SHANK2: variants seen among roughly 807,000 people sequenced by gnomAD.
SHANK2 encodes SH3 and multiple ankyrin repeat domains 2, also known as SH3 and multiple ankyrin repeat domains protein 2.
In SHANK2, 43 loss-of-function variants were observed where a neutral mutation model predicts 133.7. The observed-to-expected ratio is 0.32, with a 90% CI of 0.25 to 0.41. SHANK2 has a LOEUF of 0.41. SHANK2 is among the 10% of genes least tolerant of loss of function. The pLI, the probability that SHANK2 is intolerant of heterozygous loss-of-function variation, is 1.00. For synonymous variants in SHANK2, 1,017 were observed against 952.8 expected, an observed-to-expected ratio of 1.07 and a Z score of -1.24; for missense variants, 1,994 against 2,235.8, an observed-to-expected ratio of 0.89 and a Z score of 2.18.
intron 21 of SHANK2, among the ~76,000 whole-genome samples, chr11:70,492,670 G>A (rs2058907532): frequency 6.6e-6 from 1 of 152,156 alleles, no homozygotes; most frequent in Non-Finnish European, 1.5e-5. Context: ...GCCCTCGGAG[G>A]CATGCACGAG....
intron 14 of SHANK2, among the ~76,000 whole-genome samples, chr11:70,721,754 C>T (rs934702126): frequency 1.3e-5 from 2 of 152,232 alleles, no homozygotes; most frequent in African/African-American, 4.8e-5. Flanking sequence ...CCCACCCAAC[C>T]CTAGACAGGT....
intron 17 of SHANK2, among the ~76,000 whole-genome samples, chr11:70,632,947 A>C (rs1309439904): frequency 6.6e-6 from 1 of 151,934 alleles, no homozygotes; most frequent in Non-Finnish European, 1.5e-5. Context: ...AGCCCCTTGC[A>C]TGGAGCGTTG....
At chr11:70,810,662 A>C (rs1450333272) in intron 12 of SHANK2, among the ~76,000 whole-genome samples, 1 of 152,200 alleles carries the variant, frequency 6.6e-6, no homozygotes, top group African/African-American at 2.4e-5. Context: ...ACCTTCAGTG[A>C]GTCACTTTAC....
chr11:70,915,619 C>T (rs1419732272), intron 10 of SHANK2, among the ~76,000 whole-genome samples: 3 of 152,192 alleles, frequency 2.0e-5, no homozygotes, highest in Non-Finnish European at 2.9e-5. Flanking sequence ...CTGAGAATAC[C>T]GAGAGCATGG....
intron 14 of SHANK2, among the ~76,000 whole-genome samples, chr11:70,710,140 G>A (rs190739962): frequency 1.6e-4 from 25 of 152,280 alleles, no homozygotes; most frequent in African/African-American, 5.8e-4. Flanking sequence ...GCGATTTTAG[G>A]GCTGCTGAGC....
At chr11:70,946,035 C>A (rs987214050) in intron 10 of SHANK2, among the ~76,000 whole-genome samples, 6 of 150,004 alleles carry the variant, frequency 4.0e-5, no homozygotes, top group Non-Finnish European at 5.9e-5. Context: ...CACTAACCAC[C>A]CCTTCCCAGA....
At chr11:70,582,345 G>T (rs1298264757) in intron 17 of SHANK2, among the ~76,000 whole-genome samples, 1 of 152,210 alleles carries the variant, frequency 6.6e-6, no homozygotes, top group Non-Finnish European at 1.5e-5. Context: ...CGCCAGCCCC[G>T]GCCGGATCCA....
chr11:70,754,322 C>T (rs1555038184), intron 14 of SHANK2, among the ~76,000 whole-genome samples: 1 of 152,172 alleles, frequency 6.6e-6, no homozygotes, highest in East Asian at 1.9e-4. Context: ...GACATCAATA[C>T]ACCAACATCC....
rs139626590 is a variant in SHANK2 at position 70,663,726 on chromosome 11, G to A, written c.1854-2048C>T. 8.6e-4 allele frequency among the ~76,000 whole-genome samples: 131 copies of A among 152,256 alleles called. 1 individual carries two copies. The highest frequency in any genetic ancestry group is 5.0e-3 in the East Asian group (26 of 5,172). On this transcript the variant is annotated intron_variant, in intron 15 of 25. Transcript: ENST00000601538. ...TGCTAAGTGCAGGGAGGTCCACTCT[G>A]GGGAACTCGGTCACAACTGTGAGCC...
intron 17 of SHANK2, among the ~76,000 whole-genome samples, chr11:70,624,606 C>CT (rs71049930): frequency 1.1e-5 from 1 of 90,678 alleles, no homozygotes; most frequent in Non-Finnish European, 3.2e-5. Context: ...GGTGATGGTG[C>CT]CCCCCCAAAC....
At chr11:70,514,761 T>C (rs1554969743) in intron 17 of SHANK2, among the ~76,000 whole-genome samples, 2 of 152,130 alleles carry the variant, frequency 1.3e-5, no homozygotes, top group East Asian at 1.9e-4. Context: ...TAAAATAAGG[T>C]TCTAAGAATA....
chr11:70,914,908 A>G (rs1356368221), intron 10 of SHANK2, among the ~76,000 whole-genome samples: 4 of 150,756 alleles, frequency 2.7e-5, no homozygotes, highest in African/African-American at 7.3e-5. Flanking sequence ...AAAAAAAAAA[A>G]AAAGAAAGAA....
intron 17 of SHANK2, among the ~76,000 whole-genome samples, chr11:70,525,573 C>G (rs2059385166): frequency 1.3e-5 from 2 of 152,080 alleles, no homozygotes; most frequent in African/African-American, 4.8e-5. Flanking sequence ...AGAAAACAGG[C>G]TCTTTCTTTT....
chr11:70,880,051 C>T (rs905678321), intron 11 of SHANK2, among the ~76,000 whole-genome samples: 4 of 152,216 alleles, frequency 2.6e-5, no homozygotes, highest in Admixed American at 1.3e-4. Context: ...AGTGCGAGGC[C>T]CAGGGGCCGG....
chr11:70,606,123 C>T (rs373006290), intron 17 of SHANK2, among the ~76,000 whole-genome samples: 8 of 152,104 alleles, frequency 5.3e-5, no homozygotes, highest in African/African-American at 1.9e-4. Context: ...GGAAGGTCAT[C>T]CAGAGCCACC....
chr11:70,679,660 C>T (rs373951193), intron 15 of SHANK2, among the ~76,000 whole-genome samples: 58 of 152,358 alleles, frequency 3.8e-4, no homozygotes, highest in Middle Eastern at 6.8e-3. Flanking sequence ...TTGGGAGGCC[C>T]GGTGCCATCT....
chr11:71,125,616 A>C (rs1244554357), intron 3 of SHANK2, among the ~76,000 whole-genome samples: 1 of 152,262 alleles, frequency 6.6e-6, no homozygotes, highest in East Asian at 1.9e-4. Context: ...AGCCATCTCC[A>C]TAACAGGAAA....
intron 17 of SHANK2, among the ~76,000 whole-genome samples, chr11:70,505,040 A>G (rs2059117393): frequency 6.6e-6 from 1 of 152,150 alleles, no homozygotes; most frequent in Non-Finnish European, 1.5e-5. Flanking sequence ...CGTCCTCATC[A>G]GGGAGTTTTG....
intron 10 of SHANK2, among the ~76,000 whole-genome samples, chr11:70,898,273 TACACACACGC>T (rs1337551422): frequency 7.4e-5 from 6 of 80,746 alleles, no homozygotes; most frequent in African/African-American, 1.6e-4. Flanking sequence ...GCCAAATATA[TACACACACGC>T]ACACACACAC....
Sources: allele counts gnomAD v4.1 joint callset (sites outside exome capture counted in the v4.1 genomes callset), GRCh38; gene constraint gnomAD v4.1.1; transcripts MANE v1.5; gene names NCBI Gene and HGNC (gene_info 2026-07-23, HGNC 2026-07-21).